Variants in NCBP3 observed in about 807,000 individuals in gnomAD.
The protein encoded by NCBP3 is nuclear cap binding subunit 3.
In NCBP3, 20 loss-of-function variants were observed where a neutral mutation model predicts 75.7. That is an observed-to-expected ratio of 0.26 (90% CI 0.19 to 0.38). The LOEUF (loss-of-function observed/expected upper bound fraction) is 0.38. Among genes scored for constraint, NCBP3 ranks in the 10% least tolerant of loss-of-function variants. The probability of loss-of-function intolerance (pLI) is 1.00; values close to 1 mark genes in which losing one functional copy is unlikely to be tolerated. For missense variants in NCBP3, 678 were observed against 796.9 expected (o/e 0.85, Z 1.80); for synonymous variants, 293 against 290.5 (o/e 1.01, Z -0.09).
chr17:3,820,957 C>A (rs1597397740), intron 9 of NCBP3, among the ~76,000 whole-genome samples: 1 of 151,750 alleles, frequency 6.6e-6, no homozygotes, highest in Non-Finnish European at 1.5e-5. Flanking sequence ...TGTTTTCATG[C>A]AGCTGTTGAT....
intron 3 of NCBP3, among the ~76,000 whole-genome samples, chr17:3,838,810 A>G (rs1172779333): frequency 6.6e-6 from 1 of 152,252 alleles, no homozygotes; most frequent in African/African-American, 2.4e-5. Context: ...TGTGAGCAAC[A>G]AAAAAGAAAG....
Position 3,840,136 on chromosome 17 carries a change from T to C in NCBP3, c.319A>G (p.Arg107Gly), listed in dbSNP as rs192465308. The C allele has an allele frequency of 1.9e-4, 298 of 1,551,738 alleles. 4 individuals carry two copies. The East Asian group carries it at 7.2e-3, about 38-fold the overall frequency. ...ATGTCTCGGTCCAAGGCTACATTTC[T>C]TTGGGCAAGATTTACTTCCGATCGA... ...HFRSEVNLAQ[R>G]NVALDRDMMK... Residue 107 changes from arginine to glycine, a missense_variant, in exon 3 of 13, where the codon AGA becomes GGA. By Grantham distance (125) the Arg-to-Gly change is moderately radical. Coordinates refer to ENST00000389005, the MANE Select transcript of NCBP3 (RefSeq NM_001114118.3).
intron 3 of NCBP3, among the ~76,000 whole-genome samples, chr17:3,831,827 ATAATT>A (rs1271148049): frequency 2.5e-5 from 3 of 121,868 alleles, no homozygotes; most frequent in African/African-American, 7.5e-5. Context: ...ACAGTCAATA[ATAATT>A]TAATTGTAAA....
At chr17:3,841,010 C>T (rs2054053578) in intron 2 of NCBP3, among the ~76,000 whole-genome samples, 1 of 152,046 alleles carries the variant, frequency 6.6e-6, no homozygotes, top group African/African-American at 2.4e-5. Flanking sequence ...GTTTTTGAGA[C>T]GGACTCTCAC....
intron 7 of NCBP3, chr17:3,824,415 C>CACATACACAT (rs1555532437): frequency 7.1e-6 from 1 of 141,092 alleles, no homozygotes; most frequent in Non-Finnish European, 1.5e-5. Context: ...TATACACATA[C>CACATACACAT]ACATACATAC....
intron 3 of NCBP3, among the ~76,000 whole-genome samples, chr17:3,830,786 T>C (rs2143686390): frequency 6.6e-6 from 1 of 152,266 alleles, no homozygotes; most frequent in Middle Eastern, 3.4e-3. Context: ...GGTTTCACCA[T>C]GTTGGTCAGC....
intron 7 of NCBP3, chr17:3,824,195 T>C (rs972567707): frequency 3.9e-5 from 6 of 152,178 alleles, no homozygotes; most frequent in Non-Finnish European, 8.8e-5. Context: ...AATTTCTTGA[T>C]TTTGTTAAGT....
intron 10 of NCBP3, among the ~76,000 whole-genome samples, chr17:3,816,634 T>C (rs1446519884): frequency 1.3e-5 from 2 of 152,232 alleles, no homozygotes; most frequent in Non-Finnish European, 2.9e-5. Context: ...CACAGTATAG[T>C]CTACAGTCTC....
intron 3 of NCBP3, among the ~76,000 whole-genome samples, chr17:3,836,719 T>C (rs1057339942): frequency 2.0e-5 from 3 of 151,728 alleles, no homozygotes; most frequent in Non-Finnish European, 4.4e-5. Context: ...CTGAGATTTT[T>C]AGAGGCTAAA....
At chr17:3,814,542 C>A in intron 11 of NCBP3, 59 bp from the exon 12 acceptor site, 3 of 1,571,894 alleles carry the variant, frequency 1.9e-6, no homozygotes, top group Non-Finnish European at 2.6e-6. Flanking sequence ...TCGGCACCAG[C>A]CGCCTGACAC....
intron 10 of NCBP3, 28 bp from the exon 11 acceptor site, chr17:3,816,298 A>C: frequency 5.6e-6 from 9 of 1,598,548 alleles, no homozygotes; most frequent in Non-Finnish European, 7.7e-6. Context: ...GATGGGGCAC[A>C]GTTAACCAAC....
In NCBP3 at chr17:3,840,101, T is replaced by C; in HGVS notation, c.354A>G (p.Lys118=). Residue 118 remains lysine, a splice_region_variant and synonymous_variant, in exon 3 of 13, where the codon AAA becomes AAG. Transcript: ENST00000389005. ...AATTTCCCACAAAACACCCTGTACC[T>C]TTCTTCATCATGTCTCGGTCCAAGG... ...NVALDRDMMK[K]AIPKVRLETI... 1 of 1,550,938 alleles carries C rather than the reference T, an allele frequency of 6.4e-7. No homozygotes were observed. The highest frequency in any genetic ancestry group is 8.7e-7 in the Non-Finnish European group (1 of 1,146,362).
chr17:3,812,995 T>A lies in NCBP3; in HGVS notation c.*49A>T. On this transcript the variant is annotated 3_prime_UTR_variant, in exon 13 of 13. Transcript: ENST00000389005. Reference sequence around the variant, plus strand: ...GAGGTTCCTACTGCGCGCCCCACCCTGTGCAAGAATGTCAGGCTTTAGGGC... The same window carrying A: ...GAGGTTCCTACTGCGCGCCCCACCCAGTGCAAGAATGTCAGGCTTTAGGGC... 6.2e-7 allele frequency: 1 copy of A among 1,610,224 alleles called. No homozygotes were observed. The highest frequency in any genetic ancestry group is 8.5e-7 in the Non-Finnish European group (1 of 1,177,776).
chr17:3,844,990 C>T (rs975443792), intron 1 of NCBP3, among the ~76,000 whole-genome samples: 9 of 152,182 alleles, frequency 5.9e-5, no homozygotes, highest in African/African-American at 2.2e-4. Context: ...ATGATAACAC[C>T]TGCTTCACAA....
chr17:3,814,273 C>T, intron 12 of NCBP3, 49 bp downstream of exon 12: 1 of 1,596,640 alleles, frequency 6.3e-7, no homozygotes, highest in East Asian at 2.2e-5. Flanking sequence ...ACCCACTGTC[C>T]TCTGCTCTCA....
Position 3,826,233 on chromosome 17 carries a change from A to G in NCBP3, c.482-18T>C. On this transcript the variant is annotated intron_variant, in intron 4 of 12. Transcript: ENST00000389005. The stretch of plus-strand genomic sequence containing the variant: ...TACATTACCTAAAATAAAATGTAAA[A>G]TAAGACATTACACAGCATGGAAATG... 2 of 1,538,724 alleles carry G rather than the reference A, an allele frequency of 1.3e-6. No individual in the cohort carries two copies. Among genetic ancestry groups the G allele is most frequent in the Non-Finnish European group, 8.8e-7 (1 of 1,140,984 alleles).
rs1027419888 is a variant in NCBP3 at position 3,819,508 on chromosome 17, C to T, written c.1001-936G>A. Among the ~76,000 whole-genome samples the T allele has an allele frequency of 6.6e-5, 10 of 150,938 alleles. No individual in the cohort carries two copies. The East Asian group carries it at 7.8e-4, about 12-fold the overall frequency. ...CCGGGAGGCGGAGGTTGCAGTGAGC[C>T]GAGATCGCGCCACTGCACTCCAGCC... On this transcript the variant is annotated intron_variant, in intron 9 of 12. Coordinates refer to ENST00000389005, the MANE Select transcript of NCBP3 (RefSeq NM_001114118.3).
chr17:3,813,586 C>CT, intron 12 of NCBP3, among the ~76,000 whole-genome samples: 1 of 152,348 alleles, frequency 6.6e-6, no homozygotes, highest in African/African-American at 2.4e-5. Flanking sequence ...CCCTTCCCTG[C>CT]TGAGACACCA....
At chr17:3,843,598 G>A (rs2054105801) in intron 1 of NCBP3, among the ~76,000 whole-genome samples, 1 of 152,252 alleles carries the variant, frequency 6.6e-6, no homozygotes, top group African/African-American at 2.4e-5. Context: ...CTAGGCGGGA[G>A]TGCAGTGGCA....
Sources: allele counts gnomAD v4.1 joint callset (sites outside exome capture counted in the v4.1 genomes callset), GRCh38; gene constraint gnomAD v4.1.1; transcripts MANE v1.5; gene names NCBI Gene and HGNC (gene_info 2026-07-23, HGNC 2026-07-21).